The following SCYL2 variants were observed in gnomAD, a reference collection of about 807,000 sequenced individuals.
SCYL2 encodes the protein SCY1 like pseudokinase 2, also known as SCY1-like protein 2.
SCYL2 carries 36 observed loss-of-function variants against 100.4 expected under a neutral mutation model. That is an observed-to-expected ratio of 0.36 (90% CI 0.27 to 0.47). SCYL2 has a LOEUF of 0.47. Ranked by LOEUF, SCYL2 falls within the 20% of genes least tolerant of loss-of-function variation. The pLI, the probability that SCYL2 is intolerant of heterozygous loss-of-function variation, is 1.00. For missense variants in SCYL2, 902 were observed against 1,083.9 expected (o/e 0.83, Z 2.36); for synonymous variants, 330 against 359.2 (o/e 0.92, Z 0.92).
Position 100,283,009 on chromosome 12 carries a change from A to G in SCYL2, c.39A>G (p.Thr13=). 6.2e-7 allele frequency: 1 copy of G among 1,610,504 alleles called. No individual in the cohort carries two copies. The highest frequency in any genetic ancestry group is 8.5e-7 in the Non-Finnish European group (1 of 1,178,084). Residue 13 remains threonine (T), a synonymous_variant, in exon 2 of 18, where the codon ACA becomes ACG. Coordinates refer to ENST00000360820, the MANE Select transcript of SCYL2 (RefSeq NM_017988.6). ...TTAATAAATTGAAGAGTACTGTTAC[A>G]AAAGTAACAGCTGATGTCACTAGTG... The part of the protein sequence containing the change: ...SMLNKLKSTV[T]KVTADVTSAV...
intron 1 of SCYL2, among the ~76,000 whole-genome samples, chr12:100,280,141 T>C (rs2096296529): frequency 6.6e-6 from 1 of 152,168 alleles, no homozygotes; most frequent in South Asian, 2.1e-4. Context: ...TCTGAAAAAA[T>C]GTGTTTAATA....
At chr12:100,328,941 T>G (rs1270419891) in intron 12 of SCYL2, among the ~76,000 whole-genome samples, 1 of 152,210 alleles carries the variant, frequency 6.6e-6, no homozygotes, top group Non-Finnish European at 1.5e-5. Flanking sequence ...CTGATAAGCT[T>G]CTTATGTTAT....
chr12:100,299,527 T>G (rs1423417373), intron 4 of SCYL2, among the ~76,000 whole-genome samples: 1 of 152,184 alleles, frequency 6.6e-6, no homozygotes, highest in Non-Finnish European at 1.5e-5. Context: ...TCCTTGCAGT[T>G]TGTCTGTCCC....
In SCYL2 at chr12:100,269,470, A is replaced by T. The variant is rs192148754; in HGVS notation, c.-29+1678A>T. Among the ~76,000 whole-genome samples the T allele has an allele frequency of 5.6e-3, 847 of 152,200 alleles. 8 individuals are homozygous for T. The highest frequency in any genetic ancestry group is 0.019 in the African/African-American group (772 of 41,522). On this transcript the variant is annotated intron_variant, in intron 1 of 17. Transcript: ENST00000360820. ...TATTAATACTTAATAAATTAATTAG[A>T]TGTTCCTCATCTCCTGATGTGTAAG...
chr12:100,279,278 A>T (rs923472109), intron 1 of SCYL2, among the ~76,000 whole-genome samples: 12 of 152,238 alleles, frequency 7.9e-5, no homozygotes, highest in African/African-American at 2.9e-4. Context: ...AGTTCACAGT[A>T]GGGTTCAGGC....
At chr12:100,335,573 T>TA in intron 14 of SCYL2, 52 bp from the exon 15 acceptor site, 1 of 1,356,828 alleles carries the variant, frequency 7.4e-7, no homozygotes, top group African/African-American at 1.5e-5. Flanking sequence ...CATGAGTATT[T>TA]AAAAATATGC....
At chr12:100,282,645 A>T (rs1032571338) in intron 1 of SCYL2, among the ~76,000 whole-genome samples, 10 of 152,082 alleles carry the variant, frequency 6.6e-5, no homozygotes, top group African/African-American at 2.4e-4. Flanking sequence ...GTCTTAAAGG[A>T]TCCATGTTAT....
chr12:100,272,585 C>A (rs1235058102), intron 1 of SCYL2, among the ~76,000 whole-genome samples: 2 of 152,170 alleles, frequency 1.3e-5, no homozygotes, highest in African/African-American at 4.8e-5. Flanking sequence ...ATATCTCCAT[C>A]TGAGTGTCAT....
chr12:100,315,549 G>T lies in SCYL2; in HGVS notation c.1096-9G>T. On this transcript the variant is annotated splice_polypyrimidine_tract_variant and intron_variant, in intron 8 of 17. Transcript: ENST00000360820. ...TATTTTTTTTTTAAAAAACATTTTT[G>T]CCTTTCAGCGTGTCATTGTGCAGAG... The T allele has an allele frequency of 3.2e-6, 5 of 1,551,620 alleles. No homozygotes were observed. The highest frequency in any genetic ancestry group is 1.3e-5 in the South Asian group (1 of 78,006).
intron 10 of SCYL2, among the ~76,000 whole-genome samples, chr12:100,318,258 T>C (rs988617278): frequency 8.5e-5 from 13 of 152,148 alleles, no homozygotes; most frequent in African/African-American, 3.1e-4. Context: ...TACCTTCATC[T>C]TTCTGCTTCT....
Position 100,295,374 on chromosome 12 carries a change from C to G in SCYL2, c.336-2657C>G, listed in dbSNP as rs373648468. On this transcript the variant is annotated intron_variant, in intron 3 of 17. Coordinates refer to ENST00000360820, the MANE Select transcript of SCYL2 (RefSeq NM_017988.6). Reference sequence around the variant, plus strand: ...CTGGGAGGTAGAGGTTGTAGCGAGCCGAGATCACGCCACTGCACTCCAGCC... The same window carrying G: ...CTGGGAGGTAGAGGTTGTAGCGAGCGGAGATCACGCCACTGCACTCCAGCC... Among the ~76,000 whole-genome samples the G allele has an allele frequency of 2.3e-3, 344 of 152,214 alleles. 5 individuals carry two copies. In the East Asian group the frequency reaches 0.037, roughly 16 times the overall value.
chr12:100,305,696 A>G (rs1326218128), intron 4 of SCYL2, among the ~76,000 whole-genome samples: 3 of 151,646 alleles, frequency 2.0e-5, no homozygotes, highest in Non-Finnish European at 1.5e-5. Flanking sequence ...TTAAAAATAA[A>G]TCAGTGAATC....
At chr12:100,321,291 A>G (rs1340667409) in intron 10 of SCYL2, among the ~76,000 whole-genome samples, 1 of 152,146 alleles carries the variant, frequency 6.6e-6, no homozygotes, top group African/African-American at 2.4e-5. Context: ...GATGTCTTGA[A>G]GTTTGCCAGT....
chr12:100,329,347 T>C, intron 13 of SCYL2, 28 bp downstream of exon 13: 1 of 1,065,716 alleles, frequency 9.4e-7, no homozygotes. Flanking sequence ...CTTTATTCAT[T>C]TTATTCAGCT....
chr12:100,289,448 C>T (rs780470873), intron 2 of SCYL2, among the ~76,000 whole-genome samples: 15 of 152,132 alleles, frequency 9.9e-5, no homozygotes, highest in South Asian at 2.1e-4. Context: ...ATATTTGTCT[C>T]GTAGGGTTTC....
chr12:100,325,232 A>C (rs2096360398), intron 11 of SCYL2, among the ~76,000 whole-genome samples: 1 of 152,280 alleles, frequency 6.6e-6, no homozygotes, highest in Admixed American at 6.5e-5. Flanking sequence ...AAACCAAAGC[A>C]AAGCGAGTAC....
At chr12:100,295,808 T>G in intron 3 of SCYL2, among the ~76,000 whole-genome samples, 2 of 150,248 alleles carry the variant, frequency 1.3e-5, no homozygotes, top group African/African-American at 4.9e-5. Flanking sequence ...AGAGCTGGAT[T>G]TCAAAGCTTC....
At position 100,302,916 on chromosome 12, in the gene SCYL2, A is replaced by G. The variant is rs144321590; in HGVS notation, c.480+4741A>G. On this transcript the variant is annotated intron_variant, in intron 4 of 17. Transcript: ENST00000360820. The stretch of plus-strand genomic sequence containing the variant: ...TCAAACGGAGGTTTGGTCTTTTCAC[A>G]TAGTCCCATATTTCTTGGAGGCTTT... Among the ~76,000 whole-genome samples the G allele has an allele frequency of 6.5e-3, 995 of 152,198 alleles. 6 individuals are homozygous for G. Among genetic ancestry groups the G allele is most frequent in the Non-Finnish European group, 7.3e-3 (495 of 68,000 alleles).
intron 6 of SCYL2, among the ~76,000 whole-genome samples, chr12:100,313,185 C>A (rs764028818): frequency 6.6e-6 from 1 of 151,996 alleles, no homozygotes; most frequent in Non-Finnish European, 1.5e-5. Context: ...TGTTACAGAA[C>A]TTTAGTCATG....
Sources: allele counts gnomAD v4.1 joint callset (sites outside exome capture counted in the v4.1 genomes callset), GRCh38; gene constraint gnomAD v4.1.1; transcripts MANE v1.5; gene names NCBI Gene and HGNC (gene_info 2026-07-23, HGNC 2026-07-21).